The following PLA2G4E variants were observed in gnomAD, a reference collection of about 807,000 sequenced individuals.
PLA2G4E encodes phospholipase A2 group IVE, also known as cytosolic phospholipase A2 epsilon.
Under a neutral mutation model 109.1 loss-of-function variants are expected in PLA2G4E, and 84 were observed. The observed-to-expected ratio is 0.77, with a 90% CI of 0.65 to 0.92. The LOEUF (loss-of-function observed/expected upper bound fraction) is 0.92, where lower values mean the gene tolerates loss of function less well. PLA2G4E is among the 40% of genes least tolerant of loss of function. PLA2G4E has a pLI of 0.00. For synonymous variants in PLA2G4E, 469 were observed against 436.1 expected (o/e 1.08, Z -0.94); for missense variants, 1,057 against 1,076.6 (o/e 0.98, Z 0.25).
intron 1 of PLA2G4E, among the ~76,000 whole-genome samples, chr15:42,015,824 G>T (rs1284006118): frequency 6.6e-6 from 1 of 152,192 alleles, no homozygotes. Flanking sequence ...GGTGAGGCGC[G>T]TTTCTACTCT....
chr15:42,045,759 A>C (rs1413955752), intron 1 of PLA2G4E, among the ~76,000 whole-genome samples: 1 of 152,134 alleles, frequency 6.6e-6, no homozygotes, highest in Non-Finnish European at 1.5e-5. Flanking sequence ...TATCCTTTAG[A>C]GATGTCATCC....
intron 1 of PLA2G4E, among the ~76,000 whole-genome samples, chr15:42,023,819 C>T (rs1041960765): frequency 6.6e-6 from 1 of 152,196 alleles, no homozygotes; most frequent in South Asian, 2.1e-4. Flanking sequence ...TCTATCAACT[C>T]CTCAGAGCAG....
exon 15 of PLA2G4E, chr15:41,989,463 C>A (rs2068204455): frequency 6.2e-7 from 1 of 1,614,026 alleles, no homozygotes; most frequent in Non-Finnish European, 8.5e-7. Context: ...ACCAGCCGCC[C>A]CATGAAGAAC....
intron 1 of PLA2G4E, among the ~76,000 whole-genome samples, chr15:42,015,126 G>A (rs923911766): frequency 3.3e-5 from 5 of 152,192 alleles, no homozygotes; most frequent in Admixed American, 6.5e-5. Context: ...GGCAGTGGCT[G>A]TGGTTCCTTA....
At chr15:42,028,887 G>C (rs1889068644) in intron 1 of PLA2G4E, among the ~76,000 whole-genome samples, 1 of 152,074 alleles carries the variant, frequency 6.6e-6, no homozygotes, top group South Asian at 2.1e-4. Context: ...AATATGTTGA[G>C]ATGTCCCAGA....
At chr15:42,047,346 C>T (rs1889432632) in intron 1 of PLA2G4E, among the ~76,000 whole-genome samples, 1 of 152,118 alleles carries the variant, frequency 6.6e-6, no homozygotes, top group South Asian at 2.1e-4. Flanking sequence ...TGGCAAGGGC[C>T]TTCTTGCTGT....
chr15:42,008,572 C>G (rs1162318252), intron 2 of PLA2G4E, among the ~76,000 whole-genome samples: 1 of 152,160 alleles, frequency 6.6e-6, no homozygotes, highest in Non-Finnish European at 1.5e-5. Flanking sequence ...TGGATATGCT[C>G]TGGAGAAGGG....
intron 1 of PLA2G4E, among the ~76,000 whole-genome samples, chr15:42,017,487 C>T (rs2068606609): frequency 6.6e-6 from 1 of 152,190 alleles, no homozygotes; most frequent in South Asian, 2.1e-4. Flanking sequence ...TACAACCGCC[C>T]CACGAAGCAG....
intron 1 of PLA2G4E, among the ~76,000 whole-genome samples, chr15:42,015,240 C>T (rs186465199): frequency 6.6e-6 from 1 of 152,178 alleles, no homozygotes; most frequent in Admixed American, 6.5e-5. Context: ...TTTCTGCCTC[C>T]CAGAGGCCCT....
intron 1 of PLA2G4E, among the ~76,000 whole-genome samples, chr15:42,023,674 C>A (rs1566847467): frequency 2.6e-5 from 4 of 152,062 alleles, no homozygotes; most frequent in Non-Finnish European, 4.4e-5. Flanking sequence ...CCTCCCACTC[C>A]CCCACCCTTC....
chr15:41,990,025 G>T, intron 14 of PLA2G4E, 96 bp downstream of exon 14: 5 of 895,938 alleles, frequency 5.6e-6, no homozygotes, highest in South Asian at 1.5e-5. Context: ...TGACAAAGAT[G>T]AGTGGGATTG....
rs2068170818 is a variant in PLA2G4E at position 41,987,905 on chromosome 15, C to T, written c.1831+144G>A. ...GGGAAAGCCGGGGGCCGCCCCCCAT[C>T]ACCCAGCCATGAGGGAAAGCCGGGG... On this transcript the variant is annotated intron_variant, in intron 16 of 19. Coordinates refer to ENST00000399518, the Ensembl canonical transcript of PLA2G4E. 1.2e-5 allele frequency: 7 copies of T among 579,296 alleles called. No individual in the cohort carries two copies. In the East Asian group the frequency reaches 2.0e-4, roughly 16 times the overall value. The allele number at this position is 579,296 out of a possible 1,614,324, so 35.9% of individuals were successfully genotyped here. A position where few individuals can be genotyped will look rare whatever the true frequency, so the allele number is the denominator to read the frequency against.
intron 1 of PLA2G4E, among the ~76,000 whole-genome samples, chr15:42,038,675 T>C (rs2141075311): frequency 6.6e-6 from 1 of 152,344 alleles, no homozygotes; most frequent in East Asian, 1.9e-4. Flanking sequence ...ACCGTGAGCT[T>C]TCTTAGAATT....
At chr15:42,002,287 A>AAAAAAAC (rs1555386330) in intron 6 of PLA2G4E, among the ~76,000 whole-genome samples, 3 of 140,816 alleles carry the variant, frequency 2.1e-5, no homozygotes, top group Admixed American at 7.0e-5. Flanking sequence ...AAAAAAAAAA[A>AAAAAAAC]GGTAAACTGT....
chr15:42,046,442 T>C (rs1264915428), intron 1 of PLA2G4E, among the ~76,000 whole-genome samples: 1 of 152,352 alleles, frequency 6.6e-6, no homozygotes. Context: ...CAACCTTGTG[T>C]CCACCTCAGG....
At chr15:42,014,369 T>A (rs1288865076) in intron 1 of PLA2G4E, among the ~76,000 whole-genome samples, 2 of 152,212 alleles carry the variant, frequency 1.3e-5, no homozygotes, top group Non-Finnish European at 2.9e-5. Context: ...AGTGAATGAA[T>A]GTTCCAGCCC....
intron 1 of PLA2G4E, among the ~76,000 whole-genome samples, chr15:42,023,718 C>T (rs2068668660): frequency 6.6e-6 from 1 of 152,142 alleles, no homozygotes; most frequent in South Asian, 2.1e-4. Context: ...CCCCAAACAC[C>T]AGGGCATTCC....
At chr15:42,033,767 G>A (rs1258967130) in intron 1 of PLA2G4E, among the ~76,000 whole-genome samples, 10 of 152,164 alleles carry the variant, frequency 6.6e-5, no homozygotes, top group African/African-American at 2.2e-4. Context: ...CCCTGCTGCC[G>A]CCCCGCAGCC....
rs185488675 is a variant in PLA2G4E, at chr15:42,015,145, C to T, written c.184-1388G>A. 2.9e-3 allele frequency among the ~76,000 whole-genome samples: 444 copies of T among 152,298 alleles called. 2 individuals carry two copies. The highest frequency in any genetic ancestry group is 4.1e-3 in the Non-Finnish European group (277 of 68,012). ...GTGGCTGTGGTTCCTTAAGGCCCCA[C>T]GTCCCTCCCGAGCTGCCCCTGCACT... is the stretch of plus-strand genomic sequence containing the variant. On this transcript the variant is annotated intron_variant, in intron 1 of 19. Coordinates refer to ENST00000399518, the Ensembl canonical transcript of PLA2G4E.
Sources: allele counts gnomAD v4.1 joint callset (sites outside exome capture counted in the v4.1 genomes callset), GRCh38; gene constraint gnomAD v4.1.1; transcripts MANE v1.5; gene names NCBI Gene and HGNC (gene_info 2026-07-23, HGNC 2026-07-21).